The following TMEM132C variants were observed in gnomAD, a reference collection of about 807,000 sequenced individuals.
TMEM132C encodes the protein protein phosphatase 1, regulatory subunit 152.
TMEM132C carries 29 observed loss-of-function variants against 61.4 expected under a neutral mutation model. That is an observed-to-expected ratio of 0.47 (90% confidence interval 0.35 to 0.64). The LOEUF (loss-of-function observed/expected upper bound fraction) is 0.64. Ranked by LOEUF, TMEM132C falls within the 30% of genes least tolerant of loss-of-function variation. The pLI is 0.00. For missense variants in TMEM132C, 1,408 were observed against 1,476.9 expected, an observed-to-expected ratio of 0.95 and a Z score of 0.76; for synonymous variants, 656 against 633.1, an observed-to-expected ratio of 1.04 and a Z score of -0.54.
chr12:128,538,504 C>T (rs1305884211), intron 2 of TMEM132C, among the ~76,000 whole-genome samples: 1 of 152,176 alleles, frequency 6.6e-6, no homozygotes, highest in Non-Finnish European at 1.5e-5. Flanking sequence ...CAGGGATCCT[C>T]CCACCTCCCA....
At chr12:128,473,675 T>C (rs544908529) in intron 2 of TMEM132C, among the ~76,000 whole-genome samples, 310 of 152,230 alleles carry the variant, frequency 2.0e-3, no homozygotes, top group African/African-American at 7.3e-3. Context: ...CCAGCTTCTA[T>C]CTTCATCCTC....
intron 2 of TMEM132C, among the ~76,000 whole-genome samples, chr12:128,534,471 G>A (rs922051890): frequency 3.9e-5 from 6 of 152,132 alleles, no homozygotes; most frequent in Non-Finnish European, 5.9e-5. Context: ...ACTGAACTAG[G>A]GCCACCCTGG....
At chr12:128,339,200 C>T (rs1001738391) in intron 1 of TMEM132C, among the ~76,000 whole-genome samples, 2 of 151,974 alleles carry the variant, frequency 1.3e-5, no homozygotes, top group African/African-American at 4.8e-5. Flanking sequence ...GGTCTGTGTT[C>T]AGGGAGACGT....
intron 4 of TMEM132C, among the ~76,000 whole-genome samples, chr12:128,638,298 C>A (rs1001750633): frequency 3.3e-5 from 5 of 152,162 alleles, no homozygotes; most frequent in Non-Finnish European, 7.3e-5. Context: ...CAGTATCCCC[C>A]AAAATAGGAT....
intron 4 of TMEM132C, among the ~76,000 whole-genome samples, chr12:128,623,636 A>G (rs147232735): frequency 6.6e-6 from 1 of 151,816 alleles, no homozygotes; most frequent in South Asian, 2.1e-4. Flanking sequence ...GTGAAACCCC[A>G]TCTCTACTAA....
intron 1 of TMEM132C, among the ~76,000 whole-genome samples, chr12:128,294,775 C>T (rs1871350009): frequency 6.6e-6 from 1 of 152,036 alleles, no homozygotes; most frequent in Non-Finnish European, 1.5e-5. Flanking sequence ...GAGGCTCCAC[C>T]CCCGTGACCT....
At chr12:128,659,999 G>T (rs1405863520) in intron 4 of TMEM132C, among the ~76,000 whole-genome samples, 1 of 152,342 alleles carries the variant, frequency 6.6e-6, no homozygotes, top group East Asian at 1.9e-4. Context: ...GAGTGAGTTA[G>T]TTGGCATTCT....
At chr12:128,673,624 T>C (rs1472866219) in intron 5 of TMEM132C, among the ~76,000 whole-genome samples, 2 of 152,204 alleles carry the variant, frequency 1.3e-5, no homozygotes, top group African/African-American at 4.8e-5. Context: ...ACAAAAATAG[T>C]CTATGCTCTG....
At chr12:128,696,469 T>C (rs2135655648) in intron 7 of TMEM132C, among the ~76,000 whole-genome samples, 1 of 152,332 alleles carries the variant, frequency 6.6e-6, no homozygotes, top group South Asian at 2.1e-4. Context: ...CTTCTACCAG[T>C]GGCCCAGGGA....
intron 5 of TMEM132C, among the ~76,000 whole-genome samples, chr12:128,676,616 A>G (rs1954590325): frequency 6.6e-6 from 1 of 152,258 alleles, no homozygotes; most frequent in African/African-American, 2.4e-5. Context: ...AAGATATCAT[A>G]CATACTGTTT....
rs538175615 is a variant in TMEM132C, at chr12:128,678,653, C to A, written c.1449+9093C>A. Among the ~76,000 whole-genome samples, 20 of 152,312 alleles carry A rather than the reference C, an allele frequency of 1.3e-4. 1 individual carries two copies. The highest frequency in any genetic ancestry group is 4.8e-4 in the African/African-American group (20 of 41,574). Reference sequence around the variant, plus strand: ...GTTCTCTGTGGGGTGACTGAACCCCCTGAGAACATCTAGCAATGTCTGGAG... The same window carrying A: ...GTTCTCTGTGGGGTGACTGAACCCCATGAGAACATCTAGCAATGTCTGGAG... On this transcript the variant is annotated intron_variant, in intron 5 of 8. Coordinates refer to ENST00000435159, the MANE Select transcript of TMEM132C (RefSeq NM_001136103.3).
chr12:128,618,536 T>A (rs560720240), intron 4 of TMEM132C, among the ~76,000 whole-genome samples: 120 of 152,330 alleles, frequency 7.9e-4, no homozygotes, highest in African/African-American at 2.7e-3. Context: ...CCAAATCTCA[T>A]CTTTAATTGT....
At chr12:128,518,743 C>T (rs1026292764) in intron 2 of TMEM132C, among the ~76,000 whole-genome samples, 35 of 151,038 alleles carry the variant, frequency 2.3e-4, no homozygotes, top group African/African-American at 7.5e-4. Flanking sequence ...CATGTGTGTG[C>T]GTGTGTGTGT....
chr12:128,516,612 A>C lies in TMEM132C; in HGVS notation c.975-27345A>C, dbSNP rs199717354. Reference sequence around the variant, plus strand: ...TACCTCCAAAGGAGGGAAAAAAAAAACCTTAAAAAAAAGATTGAGTCAGAC... The same window carrying C: ...TACCTCCAAAGGAGGGAAAAAAAAACCCTTAAAAAAAAGATTGAGTCAGAC... On this transcript the variant is annotated intron_variant, in intron 2 of 8. Transcript: ENST00000435159. Among the ~76,000 whole-genome samples, 3 of 145,734 alleles carry C rather than the reference A, an allele frequency of 2.1e-5. No individual in the cohort carries two copies. In the Admixed American group the frequency reaches 2.1e-4, roughly 10 times the overall value.
intron 2 of TMEM132C, among the ~76,000 whole-genome samples, chr12:128,427,387 G>GTGTGTGT (rs1869224289): frequency 8.3e-5 from 11 of 132,290 alleles, no homozygotes; most frequent in African/African-American, 2.7e-4. Context: ...CTTCCAAAGG[G>GTGTGTGT]GTGTGTGTGT....
chr12:128,285,842 T>C (rs1362028838), intron 1 of TMEM132C, among the ~76,000 whole-genome samples: 1 of 68,292 alleles, frequency 1.5e-5, no homozygotes, highest in East Asian at 5.3e-4. Context: ...CCCATCTCTA[T>C]CCCTCTCTCC....
At chr12:128,271,431 AAAG>A (rs1221552397) in intron 1 of TMEM132C, among the ~76,000 whole-genome samples, 1 of 152,116 alleles carries the variant, frequency 6.6e-6, no homozygotes, top group Non-Finnish European at 1.5e-5. Flanking sequence ...CCATTATAAA[AAAG>A]ATTTTATTTC....
intron 4 of TMEM132C, among the ~76,000 whole-genome samples, chr12:128,665,120 C>A (rs1171478177): frequency 2.0e-5 from 3 of 151,496 alleles, no homozygotes; most frequent in Non-Finnish European, 4.4e-5. Context: ...CAGGCACTCA[C>A]ACACACATAG....
chr12:128,330,116 A>G (rs1202161910), intron 1 of TMEM132C, among the ~76,000 whole-genome samples: 3 of 152,196 alleles, frequency 2.0e-5, no homozygotes, highest in African/African-American at 4.8e-5. Context: ...AGATAGCATC[A>G]CTGCCACCGC....
Sources: gnomAD v4.1 joint callset for allele counts (sites outside exome capture counted in the v4.1 genomes callset) on GRCh38, gnomAD v4.1.1 for gene constraint, MANE v1.5 for transcripts, NCBI Gene and HGNC (gene_info 2026-07-23, HGNC 2026-07-21) for gene names.